UST: variants seen among roughly 807,000 people sequenced by gnomAD.
UST encodes uronyl 2-sulfotransferase.
In UST, 21 loss-of-function variants were observed where a neutral mutation model predicts 45.6. The ratio of observed to expected loss-of-function variants is 0.46; its 90% CI spans 0.33 to 0.66. The LOEUF (loss-of-function observed/expected upper bound fraction) is 0.66, where lower values mean the gene tolerates loss of function less well. Ranked by LOEUF, UST falls within the 30% of genes least tolerant of loss-of-function variation. The probability of loss-of-function intolerance (pLI) is 0.02; values close to 1 mark genes in which losing one functional copy is unlikely to be tolerated. For missense variants in UST, 463 were observed against 512.4 expected, an observed-to-expected ratio of 0.90 and a Z score of 0.93; for synonymous variants, 215 against 200.6, an observed-to-expected ratio of 1.07 and a Z score of -0.61.
chr6:149,025,666 TTTA>T (rs1776039499), intron 7 of UST, among the ~76,000 whole-genome samples: 1 of 152,196 alleles, frequency 6.6e-6, no homozygotes, highest in Non-Finnish European at 1.5e-5. Flanking sequence ...ATAATTATTT[TTTA>T]TTGATTAATC....
intron 7 of UST, among the ~76,000 whole-genome samples, chr6:149,060,811 C>T (rs1024842629): frequency 1.3e-5 from 2 of 152,214 alleles, no homozygotes; most frequent in African/African-American, 2.4e-5. Flanking sequence ...CTTCTTAAAA[C>T]AGCAAGGCCT....
At chr6:148,756,689 AT>A (rs1313275101) in intron 1 of UST, among the ~76,000 whole-genome samples, 1 of 152,214 alleles carries the variant, frequency 6.6e-6, no homozygotes, top group Non-Finnish European at 1.5e-5. Context: ...AAGTTTTGAC[AT>A]TCTACCTTGT....
intron 1 of UST, among the ~76,000 whole-genome samples, chr6:148,832,837 T>G (rs1777715080): frequency 6.6e-6 from 1 of 152,238 alleles, no homozygotes; most frequent in African/African-American, 2.4e-5. Context: ...TCCTGAAGTA[T>G]TATATTCTTT....
At chr6:148,901,614 A>G (rs1779260291) in intron 2 of UST, among the ~76,000 whole-genome samples, 1 of 150,428 alleles carries the variant, frequency 6.6e-6, no homozygotes, top group Admixed American at 6.6e-5. Context: ...CTGGAGTGCA[A>G]TGGTGTGATC....
At chr6:148,756,736 G>C (rs1480227221) in intron 1 of UST, among the ~76,000 whole-genome samples, 1 of 152,186 alleles carries the variant, frequency 6.6e-6, no homozygotes, top group East Asian at 1.9e-4. Context: ...CTTGAAGGGA[G>C]GAAGCTTATT....
chr6:148,866,698 C>A (rs1582863227), intron 1 of UST, among the ~76,000 whole-genome samples: 2 of 152,128 alleles, frequency 1.3e-5, no homozygotes, highest in South Asian at 2.1e-4. Flanking sequence ...CTTTCATCAG[C>A]ACAATTTCAT....
At chr6:148,917,010 G>C (rs573828579) in intron 2 of UST, among the ~76,000 whole-genome samples, 1 of 152,066 alleles carries the variant, frequency 6.6e-6, no homozygotes, top group Admixed American at 6.5e-5. Context: ...GGTCTGATTC[G>C]ACACCATGGC....
At chr6:148,843,673 T>C (rs1777928619) in intron 1 of UST, among the ~76,000 whole-genome samples, 1 of 152,240 alleles carries the variant, frequency 6.6e-6, no homozygotes, top group African/African-American at 2.4e-5. Flanking sequence ...GACCCAGCTC[T>C]GTCTACCTAA....
chr6:149,062,949 G>A (rs996931537), intron 7 of UST, among the ~76,000 whole-genome samples: 3 of 152,196 alleles, frequency 2.0e-5, no homozygotes, highest in Non-Finnish European at 4.4e-5. Flanking sequence ...TGCACTGTTC[G>A]GGCTACTATT....
intron 1 of UST, among the ~76,000 whole-genome samples, chr6:148,822,546 G>GAA (rs1777487604): frequency 1.3e-5 from 2 of 152,146 alleles, no homozygotes. Context: ...GAGAGAGAGA[G>GAA]AATATAGTAT....
chr6:148,841,288 T>C (rs1012477083), intron 1 of UST, among the ~76,000 whole-genome samples: 3 of 152,158 alleles, frequency 2.0e-5, no homozygotes, highest in Admixed American at 6.5e-5. Context: ...CAAATTTCCA[T>C]ACCTGCATGT....
intron 1 of UST, among the ~76,000 whole-genome samples, chr6:148,867,671 A>G (rs760127270): frequency 2.0e-5 from 3 of 152,122 alleles, no homozygotes; most frequent in African/African-American, 4.8e-5. Flanking sequence ...CTCATCTGCC[A>G]CCATGTAAGA....
intron 1 of UST, among the ~76,000 whole-genome samples, chr6:148,885,823 G>A (rs943526261): frequency 5.9e-5 from 9 of 152,204 alleles, no homozygotes; most frequent in Non-Finnish European, 1.2e-4. Context: ...GCTCTCTGCT[G>A]TCAAAAGCAC....
At chr6:148,994,649 C>T (rs1781416308) in intron 5 of UST, among the ~76,000 whole-genome samples, 1 of 152,190 alleles carries the variant, frequency 6.6e-6, no homozygotes, top group Admixed American at 6.5e-5. Context: ...TTCACCTCTT[C>T]GCTAGTCAAG....
At chr6:148,987,426 G>A (rs1318705367) in intron 5 of UST, among the ~76,000 whole-genome samples, 1 of 152,142 alleles carries the variant, frequency 6.6e-6, no homozygotes, top group Admixed American at 6.6e-5. Context: ...TGCCCTACAT[G>A]GCCCTGAGAC....
intron 5 of UST, among the ~76,000 whole-genome samples, chr6:148,971,531 G>T (rs956597167): frequency 1.3e-5 from 2 of 152,200 alleles, no homozygotes; most frequent in Non-Finnish European, 2.9e-5. Flanking sequence ...GAATGGGGCA[G>T]TTGGCAAGTC....
chr6:148,976,790 A>C (rs1483484693), intron 5 of UST, among the ~76,000 whole-genome samples: 1 of 152,202 alleles, frequency 6.6e-6, no homozygotes, highest in Non-Finnish European at 1.5e-5. Context: ...ATAAATTGCA[A>C]GTATTGTTTT....
intron 2 of UST, among the ~76,000 whole-genome samples, chr6:148,930,064 T>G (rs1403247286): frequency 6.6e-6 from 1 of 152,168 alleles, no homozygotes; most frequent in Non-Finnish European, 1.5e-5. Flanking sequence ...GCCATACAAT[T>G]TCTAGAGATA....
intron 5 of UST, among the ~76,000 whole-genome samples, chr6:148,973,274 C>T (rs1287785277): frequency 6.6e-6 from 1 of 152,196 alleles, no homozygotes; most frequent in Non-Finnish European, 1.5e-5. Flanking sequence ...TTATAGTATA[C>T]ATTTCAGATC....
Sources: gnomAD v4.1 joint callset for allele counts (sites outside exome capture counted in the v4.1 genomes callset) on GRCh38, gnomAD v4.1.1 for gene constraint, MANE v1.5 for transcripts, NCBI Gene and HGNC (gene_info 2026-07-23, HGNC 2026-07-21) for gene names.